SRCIN1: variants seen among roughly 807,000 people sequenced by gnomAD.
The protein encoded by SRCIN1 is P130Cas-associated protein.
A neutral mutation model predicts 116.2 loss-of-function variants in SRCIN1; 50 were observed. The ratio of observed to expected loss-of-function variants is 0.43; its 90% confidence interval spans 0.34 to 0.54. SRCIN1 has a LOEUF of 0.54. Among genes scored for constraint, SRCIN1 ranks in the 20% least tolerant of loss-of-function variants. SRCIN1 has a pLI of 0.02. For synonymous variants in SRCIN1, 736 were observed against 750.0 expected, an observed-to-expected ratio of 0.98 and a Z score of 0.30; for missense variants, 1,446 against 1,672.0, an observed-to-expected ratio of 0.86 and a Z score of 2.36.
chr17:38,593,421 A>C (rs1908546947), intron 1 of SRCIN1, among the ~76,000 whole-genome samples: 1 of 152,030 alleles, frequency 6.6e-6, no homozygotes, highest in South Asian at 2.1e-4. Context: ...GCACGAGGGA[A>C]TGGGGCAAGA....
Position 38,563,019 on chromosome 17 carries a change from G to T in SRCIN1, c.741-99C>A. On this transcript the variant is annotated intron_variant, in intron 5 of 18. Coordinates refer to ENST00000617146, the MANE Select transcript of SRCIN1 (RefSeq NM_025248.3). This position sits in a 1 kb window ranked among gnomAD's most constrained non-coding sequence, Gnocchi z 5.8. ...GGCCTAGAGAAGAGGGGTGGCCAGAGGCACCGGGAGCCCCATCTCAGGCTG... is the reference window on the plus strand; with the variant it reads ...GGCCTAGAGAAGAGGGGTGGCCAGATGCACCGGGAGCCCCATCTCAGGCTG... 1 of 1,039,054 alleles carries T rather than the reference G, an allele frequency of 9.6e-7. No homozygotes were observed. Among genetic ancestry groups the T allele is most frequent in the Non-Finnish European group, 1.4e-6 (1 of 693,486 alleles). The allele number at this position is 1,039,054 out of a possible 1,614,324, so 64.4% of individuals were successfully genotyped here.
intron 3 of SRCIN1, among the ~76,000 whole-genome samples, chr17:38,564,866 C>G (rs1158835695): frequency 6.6e-6 from 1 of 151,890 alleles, no homozygotes; most frequent in Non-Finnish European, 1.5e-5. Flanking sequence ...AGGGAATGTG[C>G]CTGATTTAGG....
At chr17:38,533,631 A>C (rs2144873953) in intron 18 of SRCIN1, among the ~76,000 whole-genome samples, 200 bp from the exon 19 acceptor site, 2 of 149,958 alleles carry the variant, frequency 1.3e-5, no homozygotes, top group Non-Finnish European at 3.0e-5. Flanking sequence ...GGGAGGGGGC[A>C]CGAGGTTGGA....
chr17:38,584,390 T>G (rs1907995799), intron 1 of SRCIN1, among the ~76,000 whole-genome samples: 1 of 152,140 alleles, frequency 6.6e-6, no homozygotes, highest in African/African-American at 2.4e-5. Context: ...TGCCAAGAAC[T>G]GGCGAAATCC....
chr17:38,554,156 G>A (rs112771244), intron 11 of SRCIN1, among the ~76,000 whole-genome samples: 3,889 of 151,872 alleles, frequency 0.026, 184 homozygotes, highest in African/African-American at 0.089. Context: ...GGTTGCAGTG[G>A]GCCGAGATCA....
intron 8 of SRCIN1, 112 bp downstream of exon 8, chr17:38,560,221 A>G: frequency 7.1e-7 from 1 of 1,401,380 alleles, no homozygotes; most frequent in Non-Finnish European, 9.7e-7. Context: ...CAGAGAAGGG[A>G]AGGGATTCAC....
At chr17:38,600,797 T>G (rs779323459) in intron 1 of SRCIN1, among the ~76,000 whole-genome samples, 2 of 152,230 alleles carry the variant, frequency 1.3e-5, no homozygotes, top group Non-Finnish European at 2.9e-5. Flanking sequence ...GTTTTGACCT[T>G]TTGGAGCAGA....
At chr17:38,573,344 C>T (rs994750181) in intron 2 of SRCIN1, among the ~76,000 whole-genome samples, 1 of 152,230 alleles carries the variant, frequency 6.6e-6, no homozygotes, top group Non-Finnish European at 1.5e-5. Flanking sequence ...TCTCATCCTG[C>T]CCTGCTGTGT....
chr17:38,603,486 T>C (rs1909178423), intron 1 of SRCIN1, among the ~76,000 whole-genome samples: 1 of 152,056 alleles, frequency 6.6e-6, no homozygotes, highest in African/African-American at 2.4e-5. Context: ...GGACCACAGT[T>C]GCCTCTTCCA....
chr17:38,548,479 G>A, intron 17 of SRCIN1, 78 bp downstream of exon 17: 1 of 1,564,900 alleles, frequency 6.4e-7, no homozygotes, highest in Non-Finnish European at 8.7e-7. Context: ...GCCTCATCCT[G>A]TCACCTGGCC....
At position 38,551,147 on chromosome 17, in the gene SRCIN1, C is replaced by G. The variant is rs1246531420; in HGVS notation, c.2962+8G>C. Reference sequence around the variant, plus strand: ...TGGGCTCCTTACCAGCCCTACTACTCCCCATACCTGAGCCCCTCCTCCCAC... The same window carrying G: ...TGGGCTCCTTACCAGCCCTACTACTGCCCATACCTGAGCCCCTCCTCCCAC... On this transcript the variant is annotated splice_region_variant and intron_variant, in intron 15 of 18. Transcript: ENST00000617146. 6.9e-7 allele frequency: 1 copy of G among 1,448,496 alleles called. No individual in the cohort carries two copies. The highest frequency in any genetic ancestry group is 9.4e-7 in the Non-Finnish European group (1 of 1,059,372). The allele number at this position is 1,448,496 out of a possible 1,614,324, so 89.7% of individuals were successfully genotyped here.
intron 11 of SRCIN1, among the ~76,000 whole-genome samples, chr17:38,554,299 T>C (rs1443328850): frequency 1.3e-5 from 2 of 152,096 alleles, no homozygotes; most frequent in Non-Finnish European, 2.9e-5. Flanking sequence ...GGCAAAGGGC[T>C]CAGTGCCTGG....
Position 38,562,615 on chromosome 17 carries a change from A to C in SRCIN1, c.834+212T>G, listed in dbSNP as rs1237862841. The stretch of plus-strand genomic sequence containing the variant: ...TCCGGCTCCTGAGAGAGGGCTTAGA[A>C]TATCTGGAGGCAAGTTAGCAAAATC... On this transcript the variant is annotated intron_variant, in intron 6 of 18. Coordinates refer to ENST00000617146, the MANE Select transcript of SRCIN1 (RefSeq NM_025248.3). This position sits in a 1 kb window ranked among gnomAD's most constrained non-coding sequence, Gnocchi z 4.2. 6.6e-6 allele frequency among the ~76,000 whole-genome samples: 1 copy of C among 152,200 alleles called. No individual in the cohort carries two copies. Among genetic ancestry groups the C allele is most frequent in the Non-Finnish European group, 1.5e-5 (1 of 68,028 alleles).
In SRCIN1 at chr17:38,552,703, C is replaced by T; in HGVS notation, c.2332+22G>A. On this transcript the variant is annotated intron_variant, in intron 12 of 18. Transcript: ENST00000617146. This position sits in a 1 kb window ranked among gnomAD's most constrained non-coding sequence, Gnocchi z 5.3. ...CTTCCCCACCCTGAACAACGTGCTG[C>T]ATTCGCAGGCCCCAGACCCACCCTT... 1 of 1,613,212 alleles carries T rather than the reference C, an allele frequency of 6.2e-7. No individual in the cohort carries two copies. Among genetic ancestry groups the T allele is most frequent in the Non-Finnish European group, 8.5e-7 (1 of 1,179,510 alleles).
rs543178632 is a variant in SRCIN1 at position 38,597,030 on chromosome 17, C to CA, written c.22+8653dup. On this transcript the variant is annotated intron_variant, in intron 1 of 18. Transcript: ENST00000617146. ...ACACTGTGGCCAGCACCCACTCAGGCACAGCCCTCCCTGGGCTGGCTCAGA... is the reference window on the plus strand; with the variant it reads ...ACACTGTGGCCAGCACCCACTCAGGCAACAGCCCTCCCTGGGCTGGCTCAGA... Among the ~76,000 whole-genome samples the CA allele has an allele frequency of 5.3e-5, 8 of 152,330 alleles. No homozygotes were observed. In the East Asian group the frequency reaches 1.4e-3, roughly 26 times the overall value.
chr17:38,597,245 G>A lies in SRCIN1; in HGVS notation c.22+8439C>T, dbSNP rs371174202. Reference sequence around the variant, plus strand: ...TCTAGCCCCAGAGAACTTCCTGGATGAGGCAGTGGGAGGCACAAAAGTGAA... The same window carrying A: ...TCTAGCCCCAGAGAACTTCCTGGATAAGGCAGTGGGAGGCACAAAAGTGAA... On this transcript the variant is annotated intron_variant, in intron 1 of 18. Transcript: ENST00000617146. Among the ~76,000 whole-genome samples, 67 of 152,370 alleles carry A rather than the reference G, an allele frequency of 4.4e-4. 1 individual carries two copies. The South Asian group carries it at 7.0e-3, about 16-fold the overall frequency.
intron 9 of SRCIN1, 68 bp downstream of exon 9, chr17:38,559,986 T>C: frequency 5.7e-6 from 8 of 1,411,886 alleles, no homozygotes; most frequent in Non-Finnish European, 7.8e-6. Flanking sequence ...TATTGCTTAA[T>C]CCCCACTTTA....
chr17:38,568,315 G>A lies in SRCIN1; in HGVS notation c.325-84C>T, dbSNP rs1906853841. The A allele has an allele frequency of 7.1e-7, 1 of 1,411,540 alleles. No individual in the cohort carries two copies. Among genetic ancestry groups the A allele is most frequent in the African/African-American group, 1.4e-5 (1 of 70,810 alleles). 87.4% of individuals were successfully genotyped at this position (1,411,540 alleles called of 1,614,324 possible). A position where few individuals can be genotyped will look rare whatever the true frequency, so the allele number is the denominator to read the frequency against. ...GGCAGGGGCAGGTTAGAGACCCTTG[G>A]AACTCAGCACTCAGCCCTAGGACAA... On this transcript the variant is annotated intron_variant, in intron 2 of 18. Coordinates refer to ENST00000617146, the MANE Select transcript of SRCIN1 (RefSeq NM_025248.3). This position sits in a 1 kb window ranked among gnomAD's most constrained non-coding sequence, Gnocchi z 4.5.
chr17:38,606,636 G>A, upstream of SRCIN1, among the ~76,000 whole-genome samples: 1 of 152,174 alleles, frequency 6.6e-6, no homozygotes, highest in Non-Finnish European at 1.5e-5. This position sits in a 1 kb window ranked among gnomAD's most constrained non-coding sequence, Gnocchi z 5.2. Context: ...GGACGCTCCA[G>A]CGACGGTCCC....
Sources: gnomAD v4.1 joint callset for allele counts (sites outside exome capture counted in the v4.1 genomes callset) on GRCh38, gnomAD v4.1.1 for gene constraint, Gnocchi (gnomAD v3.1) non-coding constraint, MANE v1.5 for transcripts, NCBI Gene and HGNC (gene_info 2026-07-23, HGNC 2026-07-21) for gene names.